Variants in CORIN observed in about 807,000 individuals in gnomAD.
The protein encoded by CORIN is atrial natriuretic peptide-converting enzyme.
In CORIN, 117 loss-of-function variants were observed where a neutral mutation model predicts 125.3. The observed-to-expected ratio is 0.93, with a 90% CI of 0.80 to 1.09. The LOEUF is 1.09. Ranked by LOEUF, CORIN falls within the 50% of genes least tolerant of loss-of-function variation. CORIN has a pLI of 0.00. For synonymous variants in CORIN, 450 were observed against 466.4 expected (o/e 0.96, Z 0.45); for missense variants, 1,253 against 1,306.7 (o/e 0.96, Z 0.63).
At chr4:47,823,308 T>C (rs564919974) in intron 1 of CORIN, among the ~76,000 whole-genome samples, 1 of 152,218 alleles carries the variant, frequency 6.6e-6, no homozygotes. Context: ...CCTTGCTTTT[T>C]GGAACAAGAT....
intron 16 of CORIN, among the ~76,000 whole-genome samples, chr4:47,638,491 C>G (rs1723113255): frequency 6.6e-6 from 1 of 152,140 alleles, no homozygotes; most frequent in Non-Finnish European, 1.5e-5. Context: ...GGAGGTGATT[C>G]AATTATGGGG....
chr4:47,798,553 C>T (rs1731395152), intron 2 of CORIN, among the ~76,000 whole-genome samples: 1 of 152,006 alleles, frequency 6.6e-6, no homozygotes, highest in Non-Finnish European at 1.5e-5. Flanking sequence ...ATATAAAATG[C>T]TTGTATTGCT....
In CORIN at chr4:47,664,135, CTTG is replaced by C. The variant is rs1724368497; in HGVS notation, c.1589+894_1589+896del. Among the ~76,000 whole-genome samples the C allele has an allele frequency of 2.0e-5, 3 of 152,296 alleles. No individual in the cohort carries two copies. In the South Asian group the frequency reaches 6.2e-4, roughly 32 times the overall value. The stretch of plus-strand genomic sequence containing the variant: ...GGCCAGCACATTTGTATACCTACCC[CTTG>C]AGGGAAAACAGCACTGAAGAGAGTA... On this transcript the variant is annotated intron_variant, in intron 11 of 21. Coordinates refer to ENST00000273857, the MANE Select transcript of CORIN (RefSeq NM_006587.4).
chr4:47,730,995 C>T (rs376328653), intron 5 of CORIN, among the ~76,000 whole-genome samples: 2 of 152,156 alleles, frequency 1.3e-5, no homozygotes, highest in Non-Finnish European at 2.9e-5. Context: ...GAGCTGGGCC[C>T]GGTGGTTGTG....
chr4:47,826,366 A>G (rs915601386), intron 1 of CORIN, among the ~76,000 whole-genome samples: 4 of 152,268 alleles, frequency 2.6e-5, no homozygotes, highest in Non-Finnish European at 5.9e-5. Context: ...AGTAGTTTAA[A>G]GCAACACAAA....
chr4:47,741,422 A>G (rs1728391245), intron 5 of CORIN, among the ~76,000 whole-genome samples: 1 of 152,078 alleles, frequency 6.6e-6, no homozygotes, highest in South Asian at 2.1e-4. Flanking sequence ...GCTATAAACA[A>G]AAGAGACAAG....
At chr4:47,740,211 A>C (rs537610890) in intron 5 of CORIN, among the ~76,000 whole-genome samples, 31 of 152,064 alleles carry the variant, frequency 2.0e-4, no homozygotes, top group South Asian at 2.1e-4. Context: ...TGTAAGCTCA[A>C]AAATGGAAAT....
chr4:47,741,637 C>T (rs1728401897), intron 5 of CORIN, among the ~76,000 whole-genome samples: 2 of 152,004 alleles, frequency 1.3e-5, no homozygotes, highest in Non-Finnish European at 1.5e-5. Context: ...CATAACAGTC[C>T]AAAAGTGAAA....
chr4:47,668,029 T>C (rs149360034), intron 10 of CORIN, among the ~76,000 whole-genome samples: 2 of 152,214 alleles, frequency 1.3e-5, no homozygotes, highest in Non-Finnish European at 2.9e-5. Flanking sequence ...TTTCACAGTG[T>C]GAGAATACAG....
intron 2 of CORIN, among the ~76,000 whole-genome samples, chr4:47,789,006 G>A (rs1431700448): frequency 6.6e-6 from 1 of 151,994 alleles, no homozygotes; most frequent in African/African-American, 2.4e-5. Flanking sequence ...AGTGTTTAAA[G>A]TGTTCATAAC....
chr4:47,734,019 C>G (rs753952106), intron 5 of CORIN, among the ~76,000 whole-genome samples: 1 of 151,986 alleles, frequency 6.6e-6, no homozygotes, highest in Admixed American at 6.6e-5. Context: ...GCTGTAGCGG[C>G]GGGTATTAAT....
At chr4:47,728,689 C>T (rs1727714903) in intron 5 of CORIN, among the ~76,000 whole-genome samples, 1 of 152,174 alleles carries the variant, frequency 6.6e-6, no homozygotes, top group Admixed American at 6.5e-5. Context: ...ATCTGTAAGA[C>T]CACAAATGTG....
intron 5 of CORIN, among the ~76,000 whole-genome samples, chr4:47,737,406 C>T (rs944447982): frequency 6.6e-6 from 1 of 152,172 alleles, no homozygotes; most frequent in Non-Finnish European, 1.5e-5. Flanking sequence ...CGGGTTTTGC[C>T]TCAGCTGTGG....
intron 12 of CORIN, among the ~76,000 whole-genome samples, chr4:47,655,000 C>G (rs1311008051): frequency 6.6e-6 from 1 of 151,746 alleles, no homozygotes; most frequent in Non-Finnish European, 1.5e-5. Flanking sequence ...AATAGGGCAC[C>G]AGACAGAGTC....
chr4:47,751,236 C>T (rs951847895), intron 4 of CORIN, among the ~76,000 whole-genome samples: 2 of 152,212 alleles, frequency 1.3e-5, no homozygotes, highest in Non-Finnish European at 2.9e-5. Context: ...TTCTCCACCA[C>T]TTCTACCACT....
Position 47,643,160 on chromosome 4 carries a change from T to C in CORIN, c.2054A>G (p.Asp685Gly). The C allele has an allele frequency of 6.2e-7, 1 of 1,614,114 alleles. No homozygotes were observed. Among genetic ancestry groups the C allele is most frequent in the Non-Finnish European group, 8.5e-7 (1 of 1,179,974 alleles). The change falls in exon 15 of 22, where the codon GAT (aspartate) becomes GGT (glycine). Residue 685 changes from aspartate (D) to glycine (G), a missense_variant. Physicochemically the swap from Asp to Gly is moderately conservative, Grantham distance 94 (BLOSUM62 -1). Transcript: ENST00000273857. The stretch of plus-strand genomic sequence containing the variant: ...AAGTAGCTCACCACAGTCCCATTCA[T>C]CTGAACTGTCTGAGCAGTCGGCTTC... ...DGEADCSDSS[D>G]EWDCVTLSIN...
rs1326949272 is a variant in CORIN at position 47,653,534 on chromosome 4, T to C, written c.1843+19A>G. The C allele has an allele frequency of 1.9e-6, 3 of 1,589,044 alleles. No homozygotes were observed. The highest frequency in any genetic ancestry group is 2.7e-5 in the African/African-American group (2 of 74,448). ...GTTATCACTGTACATTCAAGAAAAG[T>C]ACCATTGCACATACATACCACAGTT... is the stretch of plus-strand genomic sequence containing the variant. On this transcript the variant is annotated intron_variant, in intron 13 of 21. Transcript: ENST00000273857.
intron 19 of CORIN, among the ~76,000 whole-genome samples, chr4:47,613,280 C>A (rs181662088): frequency 1.6e-3 from 244 of 152,182 alleles, no homozygotes; most frequent in African/African-American, 5.6e-3. Flanking sequence ...TAGTGAAACC[C>A]CATGTCTACT....
chr4:47,658,227 G>A (rs2109656406), intron 12 of CORIN, among the ~76,000 whole-genome samples: 1 of 152,318 alleles, frequency 6.6e-6, no homozygotes, highest in Non-Finnish European at 1.5e-5. Flanking sequence ...ACCCAGCAGG[G>A]CAGTCATTAA....
Sources: gnomAD v4.1 joint callset for allele counts (sites outside exome capture counted in the v4.1 genomes callset) on GRCh38, gnomAD v4.1.1 for gene constraint, MANE v1.5 for transcripts, NCBI Gene and HGNC (gene_info 2026-07-23, HGNC 2026-07-21) for gene names.